EIF4G3: variants seen among roughly 807,000 people sequenced by gnomAD.
EIF4G3 encodes the protein eukaryotic translation initiation factor 4 gamma 3.
In EIF4G3, 34 loss-of-function variants were observed where a neutral mutation model predicts 186.4. The ratio of observed to expected loss-of-function variants is 0.18; its 90% CI spans 0.14 to 0.24. The LOEUF (loss-of-function observed/expected upper bound fraction) is 0.24. Ranked by LOEUF, EIF4G3 falls within the 10% of genes least tolerant of loss-of-function variation. The pLI, the probability that EIF4G3 is intolerant of heterozygous loss-of-function variation, is 1.00. For synonymous variants in EIF4G3, 673 were observed against 679.5 expected, an observed-to-expected ratio of 0.99 and a Z score of 0.15; for missense variants, 1,536 against 1,948.5, an observed-to-expected ratio of 0.79 and a Z score of 3.99.
At chr1:21,116,654 A>G (rs2096828773) in intron 2 of EIF4G3, among the ~76,000 whole-genome samples, 1 of 151,924 alleles carries the variant, frequency 6.6e-6, no homozygotes, top group Non-Finnish European at 1.5e-5. Flanking sequence ...CCTGACAAAC[A>G]TAGTGGAAAC....
At chr1:20,941,438 A>G (rs750872282) in intron 14 of EIF4G3, 53 bp downstream of exon 14, 4 of 1,609,446 alleles carry the variant, frequency 2.5e-6, no homozygotes, top group Non-Finnish European at 3.4e-6. Flanking sequence ...TAACTCAAAC[A>G]CTGCCTCTTC....
chr1:20,863,446 C>CA (rs1491340622), intron 22 of EIF4G3, among the ~76,000 whole-genome samples: 1 of 113,146 alleles, frequency 8.8e-6, no homozygotes, highest in African/African-American at 3.4e-5. Flanking sequence ...TTTTTTTTTC[C>CA]TTTTTTTTTT....
chr1:20,851,384 G>C lies in EIF4G3; in HGVS notation c.3646C>G (p.Leu1216Val). 6.2e-7 allele frequency: 1 copy of C among 1,614,116 alleles called. No individual in the cohort carries two copies. Among genetic ancestry groups the C allele is most frequent in the Non-Finnish European group, 8.5e-7 (1 of 1,180,044 alleles). Residue 1216 changes from leucine (L) to valine (V), a missense_variant, in exon 28 of 37, where the codon CTG becomes GTG. Around this residue, in one of 11 missense-constraint regions of EIF4G3, gnomAD observed 395 missense variants for 498.9 expected, o/e 0.79. Coordinates refer to ENST00000602326, the MANE Select transcript of EIF4G3 (RefSeq NM_001391906.1). ...TFMRGGSSKDLLDNQSQEEQR... is the reference protein window; with the variant it reads ...TFMRGGSSKDVLDNQSQEEQR... Reference sequence around the variant, plus strand: ...TCTTCTTGAGACTGATTGTCTAGCAGGTCTTTACTGCTGCCACCCCTCATG... The same window carrying C: ...TCTTCTTGAGACTGATTGTCTAGCACGTCTTTACTGCTGCCACCCCTCATG...
intron 14 of EIF4G3, among the ~76,000 whole-genome samples, chr1:20,917,135 CAT>C (rs754970699): frequency 5.9e-5 from 9 of 152,098 alleles, no homozygotes; most frequent in Non-Finnish European, 1.0e-4. Context: ...GTGGCAAATC[CAT>C]ACTCGGCAAT....
At chr1:21,072,307 A>G (rs1315687906) in intron 3 of EIF4G3, among the ~76,000 whole-genome samples, 1 of 152,192 alleles carries the variant, frequency 6.6e-6, no homozygotes, top group Non-Finnish European at 1.5e-5. Context: ...GCCAAGGTAC[A>G]AGGATTCCTT....
chr1:20,931,675 C>T (rs2095316930), intron 14 of EIF4G3, among the ~76,000 whole-genome samples: 1 of 152,120 alleles, frequency 6.6e-6, no homozygotes, highest in South Asian at 2.1e-4. Flanking sequence ...TCCTATAATC[C>T]CAGCATTTTG....
intron 19 of EIF4G3, 111 bp downstream of exon 19, chr1:20,886,090 G>T: frequency 7.8e-7 from 1 of 1,279,808 alleles, no homozygotes; most frequent in Non-Finnish European, 1.1e-6. Flanking sequence ...ATAGGAAAAT[G>T]TTATAAAAAG....
chr1:21,024,998 G>A (rs1242578823), intron 4 of EIF4G3, among the ~76,000 whole-genome samples: 2 of 152,098 alleles, frequency 1.3e-5, no homozygotes, highest in Non-Finnish European at 1.5e-5. Flanking sequence ...AGAGTTCCAG[G>A]GAGCCTCCAA....
Position 20,899,774 on chromosome 1 carries a change from G to A in EIF4G3, c.1922C>T (p.Ser641Phe), listed in dbSNP as rs1047483760. 2.1e-5 allele frequency: 34 copies of A among 1,614,118 alleles called. No homozygotes were observed. The highest frequency in any genetic ancestry group is 2.6e-5 in the Non-Finnish European group (31 of 1,180,018). Residue 641 changes from serine (S) to phenylalanine (F), a missense_variant, in exon 16 of 37, where the codon TCT becomes TTT. By Grantham distance (155) the Ser-to-Phe change is radical. Around this residue, in one of 11 missense-constraint regions of EIF4G3, gnomAD observed 560 missense variants for 547.8 expected, o/e 1.02. Transcript: ENST00000602326. ...ATTAGCATCTATTCCTTCACCCTCAGAAACACTCTCAGCACCATTACGTAC... is the reference window on the plus strand; with the variant it reads ...ATTAGCATCTATTCCTTCACCCTCAAAAACACTCTCAGCACCATTACGTAC... ...EPVRNGAESV[S>F]EGEGIDANSG...
chr1:20,954,534 CAAAAAAAAAAAAAA>C (rs35942587), intron 12 of EIF4G3, among the ~76,000 whole-genome samples: 2 of 49,324 alleles, frequency 4.1e-5, no homozygotes, highest in African/African-American at 1.9e-4. Context: ...GACCCCGTCT[CAAAAAAAAAAAAAA>C]AAAAAAAAAA....
chr1:21,060,940 T>C (rs2094877694), intron 3 of EIF4G3, among the ~76,000 whole-genome samples: 1 of 152,178 alleles, frequency 6.6e-6, no homozygotes, highest in Non-Finnish European at 1.5e-5. Context: ...CATATATTTA[T>C]TGAGAACTTT....
chr1:21,059,201 C>G (rs945028907), intron 3 of EIF4G3, among the ~76,000 whole-genome samples: 1 of 152,034 alleles, frequency 6.6e-6, no homozygotes, highest in African/African-American at 2.4e-5. Context: ...GAGGTCATCT[C>G]AAAACATTTC....
chr1:20,920,926 CTAAAA>C (rs2094446925), intron 14 of EIF4G3, among the ~76,000 whole-genome samples: 1 of 152,138 alleles, frequency 6.6e-6, no homozygotes, highest in Non-Finnish European at 1.5e-5. Flanking sequence ...ACCTTTTCTG[CTAAAA>C]TATATTTTAG....
chr1:20,966,189 A>C (rs1030073925), intron 12 of EIF4G3, among the ~76,000 whole-genome samples: 1 of 152,156 alleles, frequency 6.6e-6, no homozygotes, highest in African/African-American at 2.4e-5. Context: ...ATTATGTCTA[A>C]CTCAAAGCAG....
At chr1:20,939,839 GTTGTT>G (rs374069104) in intron 14 of EIF4G3, among the ~76,000 whole-genome samples, 4 of 138,808 alleles carry the variant, frequency 2.9e-5, no homozygotes, top group African/African-American at 1.1e-4. Flanking sequence ...CCAACACCAA[GTTGTT>G]TAGTTTTTTT....
intron 2 of EIF4G3, among the ~76,000 whole-genome samples, chr1:21,133,282 T>C (rs1313847818): frequency 2.6e-5 from 4 of 152,102 alleles, no homozygotes; most frequent in Non-Finnish European, 5.9e-5. Flanking sequence ...TGGAGTGCAA[T>C]GACACGATCT....
intron 14 of EIF4G3, among the ~76,000 whole-genome samples, chr1:20,921,875 C>T (rs1328407072): frequency 6.6e-6 from 1 of 152,162 alleles, no homozygotes. Flanking sequence ...CATGGACATA[C>T]CTGTATCTTT....
chr1:20,879,739 T>TAC (rs2081791065), intron 19 of EIF4G3, among the ~76,000 whole-genome samples: 1 of 152,186 alleles, frequency 6.6e-6, no homozygotes, highest in Non-Finnish European at 1.5e-5. Context: ...AATAGGTATA[T>TAC]ACACACTTAG....
chr1:20,981,477 T>C (rs1262315270), intron 8 of EIF4G3, among the ~76,000 whole-genome samples: 1 of 151,758 alleles, frequency 6.6e-6, no homozygotes, highest in Non-Finnish European at 1.5e-5. Context: ...TATACGTATG[T>C]ATATATGCAT....
Sources: gnomAD v4.1 joint callset for allele counts (sites outside exome capture counted in the v4.1 genomes callset) on GRCh38, gnomAD v4.1.1 for gene constraint, gnomAD v4.1.1 regional missense constraint, MANE v1.5 for transcripts, NCBI Gene and HGNC (gene_info 2026-07-23, HGNC 2026-07-21) for gene names.